The following CMSS1 variants were observed in gnomAD, a reference collection of about 807,000 sequenced individuals.
CMSS1 encodes the protein protein CMSS1.
CMSS1 carries 33 observed loss-of-function variants against 43.5 expected under a neutral mutation model. The observed-to-expected ratio is 0.76, with a 90% CI of 0.57 to 1.01. The LOEUF is 1.01. Among genes scored for constraint, CMSS1 ranks in the 50% least tolerant of loss-of-function variants. The pLI, the probability that CMSS1 is intolerant of heterozygous loss-of-function variation, is 0.00. For synonymous variants in CMSS1, 115 were observed against 117.2 expected (o/e 0.98, Z 0.12); for missense variants, 313 against 326.4 (o/e 0.96, Z 0.32).
In CMSS1 at chr3:100,163,738, T is replaced by C. The variant is rs2067044720; in HGVS notation, c.355+1306T>C. Among the ~76,000 whole-genome samples, 5 of 152,270 alleles carry C rather than the reference T, an allele frequency of 3.3e-5. No homozygotes were observed. The South Asian group carries it at 8.3e-4, about 25-fold the overall frequency. On this transcript the variant is annotated intron_variant, in intron 4 of 9. Transcript: ENST00000421999. ...ATTTTAATTAATTTCAAAATTATAA[T>C]GCATCCTTTAACTCTTTTAGGCAGG... is the stretch of plus-strand genomic sequence containing the variant.
At position 99,835,931 on chromosome 3, in the gene CMSS1, A is replaced by G. The variant is rs535951781; in HGVS notation, c.64+17888A>G. Among the ~76,000 whole-genome samples, 4 of 152,300 alleles carry G rather than the reference A, an allele frequency of 2.6e-5. No individual in the cohort carries two copies. The South Asian group carries it at 6.2e-4, about 24-fold the overall frequency. The stretch of plus-strand genomic sequence containing the variant: ...TTTCAGCCCTACAAACAGCATGATC[A>G]AAGGTAAGAAGGCCCAGTAGTATGT... On this transcript the variant is annotated intron_variant, in intron 1 of 9. Transcript: ENST00000421999.
chr3:99,957,537 A>C (rs1328459959), intron 1 of CMSS1, among the ~76,000 whole-genome samples: 1 of 151,982 alleles, frequency 6.6e-6, no homozygotes, highest in Non-Finnish European at 1.5e-5. Flanking sequence ...AAGGAACAAA[A>C]CAGTGCTCTT....
chr3:99,846,624 A>G lies in CMSS1; in HGVS notation c.64+28581A>G, dbSNP rs141365990. On this transcript the variant is annotated intron_variant, in intron 1 of 9. Coordinates refer to ENST00000421999, the MANE Select transcript of CMSS1 (RefSeq NM_032359.4). ...TCATCAGCAGCCTCAGCTTTCATCC[A>G]AATTTATTTAATGATGATGCAAGCC... Among the ~76,000 whole-genome samples the G allele has an allele frequency of 1.6e-3, 238 of 152,342 alleles. 2 individuals carry two copies. The Middle Eastern group carries it at 0.02, about 13-fold the overall frequency.
intron 1 of CMSS1, among the ~76,000 whole-genome samples, chr3:99,986,276 G>T (rs1442098336): frequency 1.3e-5 from 2 of 152,210 alleles, no homozygotes; most frequent in Non-Finnish European, 2.9e-5. Flanking sequence ...TATGTCCCAG[G>T]AACAGGTGTT....
chr3:100,088,860 C>CT (rs972098130), intron 1 of CMSS1, among the ~76,000 whole-genome samples: 4 of 151,768 alleles, frequency 2.6e-5, no homozygotes, highest in African/African-American at 4.8e-5. Context: ...ATTTAGTGAG[C>CT]TTTTTTTTCC....
At chr3:100,116,413 T>A (rs1048389374) in intron 1 of CMSS1, among the ~76,000 whole-genome samples, 8 of 152,190 alleles carry the variant, frequency 5.3e-5, no homozygotes, top group Non-Finnish European at 1.0e-4. Context: ...GATGTGGTCC[T>A]CATGTTTTTC....
intron 1 of CMSS1, among the ~76,000 whole-genome samples, chr3:100,063,745 C>G (rs1362176478): frequency 2.6e-5 from 4 of 151,920 alleles, no homozygotes; most frequent in African/African-American, 9.7e-5. Context: ...AAAAGTCAAC[C>G]TGAATAAAAT....
intron 1 of CMSS1, among the ~76,000 whole-genome samples, chr3:100,055,879 C>G (rs953520869): frequency 6.6e-6 from 1 of 152,178 alleles, no homozygotes; most frequent in African/African-American, 2.4e-5. Context: ...TTTTTCATAA[C>G]TACCTTCAAG....
chr3:100,001,309 A>T (rs1015516314), intron 1 of CMSS1, among the ~76,000 whole-genome samples: 5 of 152,216 alleles, frequency 3.3e-5, no homozygotes, highest in African/African-American at 1.2e-4. Context: ...TTTACATATT[A>T]TCTATCGCTG....
At chr3:99,828,492 G>A (rs1246965095) in intron 1 of CMSS1, among the ~76,000 whole-genome samples, 2 of 144,840 alleles carry the variant, frequency 1.4e-5, no homozygotes, top group African/African-American at 2.6e-5. Flanking sequence ...TGCTCTGTCA[G>A]TCAGTCTGGA....
rs1289530168 is a variant in CMSS1 at position 99,846,915 on chromosome 3, G to GT, written c.64+28876dup. Reference sequence around the variant, plus strand: ...ATAAGCTACTTTGTCTGAAATCGTCGTTTTGGAATGTGACTTGGGGACCAT... The same window carrying GT: ...ATAAGCTACTTTGTCTGAAATCGTCGTTTTTGGAATGTGACTTGGGGACCAT... On this transcript the variant is annotated intron_variant, in intron 1 of 9. Transcript: ENST00000421999. 7.9e-5 allele frequency among the ~76,000 whole-genome samples: 12 copies of GT among 152,298 alleles called. No homozygotes were observed. The South Asian group carries it at 2.5e-3, about 32-fold the overall frequency.
intron 1 of CMSS1, chr3:100,115,112 A>G: frequency 8.6e-6 from 6 of 701,334 alleles, no homozygotes; most frequent in Non-Finnish European, 1.5e-5. Context: ...AAGTAGGATC[A>G]CTTGTTCAGA....
At chr3:99,850,366 CT>C (rs1335788825) in intron 1 of CMSS1, 1 of 1,612,638 alleles carries the variant, frequency 6.2e-7, no homozygotes, top group Non-Finnish European at 8.5e-7. Flanking sequence ...TTCTTGTTTG[CT>C]TTTGTTGAAA....
chr3:99,983,614 G>A (rs776400579), intron 1 of CMSS1, among the ~76,000 whole-genome samples: 2 of 146,458 alleles, frequency 1.4e-5, no homozygotes, highest in Admixed American at 6.9e-5. Flanking sequence ...TGCTTGAACC[G>A]GGGAGGCGGA....
At chr3:99,970,957 C>T (rs1708796007) in intron 1 of CMSS1, among the ~76,000 whole-genome samples, 2 of 152,296 alleles carry the variant, frequency 1.3e-5, no homozygotes, top group Middle Eastern at 3.4e-3. Flanking sequence ...TAGGGCTTGG[C>T]AGTGCTCCTA....
rs573511497 is a variant in CMSS1, at chr3:100,095,629, T to C, written c.65-51344T>C. Among the ~76,000 whole-genome samples, 3 of 152,184 alleles carry C rather than the reference T, an allele frequency of 2.0e-5. No homozygotes were observed. The South Asian group carries it at 6.2e-4, about 32-fold the overall frequency. On this transcript the variant is annotated intron_variant, in intron 1 of 9. Coordinates refer to ENST00000421999, the MANE Select transcript of CMSS1 (RefSeq NM_032359.4). ...ATACAAAAATTAAACCAAAATGAATTAAAGACTTAAATATATAAGACTTCA... is the reference window on the plus strand; with the variant it reads ...ATACAAAAATTAAACCAAAATGAATCAAAGACTTAAATATATAAGACTTCA...
At chr3:99,942,094 G>C (rs1417263082) in intron 1 of CMSS1, among the ~76,000 whole-genome samples, 1 of 152,034 alleles carries the variant, frequency 6.6e-6, no homozygotes, top group African/African-American at 2.4e-5. Context: ...GTGGGCGCCT[G>C]TAGTCCTGAG....
intron 1 of CMSS1, among the ~76,000 whole-genome samples, chr3:99,902,317 C>G (rs193265749): frequency 2.6e-5 from 4 of 152,186 alleles, no homozygotes; most frequent in Admixed American, 1.3e-4. Context: ...GGGAAAGAGT[C>G]AGTGCTGAAT....
intron 1 of CMSS1, among the ~76,000 whole-genome samples, chr3:100,089,436 T>C (rs1006486280): frequency 6.6e-6 from 1 of 152,234 alleles, no homozygotes; most frequent in African/African-American, 2.4e-5. Flanking sequence ...TTACTAACTT[T>C]ATGCAAGTAA....
Sources: gnomAD v4.1 joint callset for allele counts (sites outside exome capture counted in the v4.1 genomes callset) on GRCh38, gnomAD v4.1.1 for gene constraint, MANE v1.5 for transcripts, NCBI Gene and HGNC (gene_info 2026-07-23, HGNC 2026-07-21) for gene names.